DPY19L1: variants seen among roughly 807,000 people sequenced by gnomAD.
DPY19L1 encodes the protein dpy-19 like C-mannosyltransferase 1.
In DPY19L1, 35 loss-of-function variants were observed where a neutral mutation model predicts 96.9. The observed-to-expected ratio is 0.36, with a 90% CI of 0.28 to 0.48. The LOEUF is 0.48. DPY19L1 is among the 20% of genes least tolerant of loss of function. The probability of loss-of-function intolerance (pLI) is 0.99; values close to 1 mark genes in which losing one functional copy is unlikely to be tolerated. For missense variants in DPY19L1, 521 were observed against 777.9 expected, an observed-to-expected ratio of 0.67 and a Z score of 3.93; for synonymous variants, 205 against 252.6, an observed-to-expected ratio of 0.81 and a Z score of 1.79.
chr7:35,011,485 T>C (rs1179780090), intron 4 of DPY19L1, 35 bp from the exon 5 acceptor site: 4 of 1,552,596 alleles, frequency 2.6e-6, no homozygotes, highest in Non-Finnish European at 3.5e-6. Context: ...CTTAAGAAAA[T>C]ATACTAAACA....
intron 7 of DPY19L1, among the ~76,000 whole-genome samples, chr7:34,977,853 G>A (rs146359222): frequency 3.9e-5 from 6 of 151,954 alleles, no homozygotes; most frequent in Non-Finnish European, 7.4e-5. Context: ...TTGTTTCTAA[G>A]TATAAGAAAT....
At chr7:34,937,857 TA>T (rs964604633) in intron 21 of DPY19L1, 136 bp downstream of exon 21, 6,036 of 778,156 alleles carry the variant, frequency 7.8e-3, no homozygotes, top group South Asian at 9.6e-3. Flanking sequence ...AGAGCCTGTT[TA>T]AAAAAAAAAG....
rs1371088268 is a variant in DPY19L1, at chr7:35,021,005, G to A, written c.299-2409C>T. Among the ~76,000 whole-genome samples, 8 of 151,998 alleles carry A rather than the reference G, an allele frequency of 5.3e-5. No homozygotes were observed. The East Asian group carries it at 1.3e-3, about 26-fold the overall frequency. ...ATTACAGGCATGAGCCACCACACCC[G>A]GCCCTAATTCTTCATTTTAAACAGT... On this transcript the variant is annotated intron_variant, in intron 1 of 21. Transcript: ENST00000638088.
chr7:34,958,238 A>G (rs1637673), intron 10 of DPY19L1, among the ~76,000 whole-genome samples, 168 bp from the exon 11 acceptor site: 41,045 of 152,130 alleles, frequency 0.27, 5,717 homozygotes, highest in Non-Finnish European at 0.31. Flanking sequence ...AGAGATAACC[A>G]TCATCAACAG....
chr7:35,034,638 T>C (rs1786342174), intron 1 of DPY19L1, among the ~76,000 whole-genome samples: 1 of 152,190 alleles, frequency 6.6e-6, no homozygotes, highest in African/African-American at 2.4e-5. Context: ...AGGCAGTGAG[T>C]TCCTCATCAG....
intron 13 of DPY19L1, among the ~76,000 whole-genome samples, chr7:34,952,764 G>C (rs12538847): frequency 0.2 from 29,921 of 151,936 alleles, 3,322 homozygotes; most frequent in Admixed American, 0.36. Flanking sequence ...AAATACGGCA[G>C]AGTGAAGAAA....
At chr7:34,946,669 G>T (rs1237105588) in intron 15 of DPY19L1, among the ~76,000 whole-genome samples, 7 of 152,216 alleles carry the variant, frequency 4.6e-5, no homozygotes, top group Admixed American at 4.6e-4. Flanking sequence ...GATTAAAAGT[G>T]CTGTCGGAGT....
Position 35,011,381 on chromosome 7 carries a change from A to G in DPY19L1, c.619T>C (p.Cys207Arg), listed in dbSNP as rs1785708246. 3 of 1,613,494 alleles carry G rather than the reference A, an allele frequency of 1.9e-6. No individual in the cohort carries two copies. The highest frequency in any genetic ancestry group is 2.5e-6 in the Non-Finnish European group (3 of 1,179,860). Residue 207 changes from cysteine (C) to arginine (R), a missense_variant, in exon 5 of 22, where the codon TGT becomes CGT. Transcript: ENST00000638088. ...CCTTCTCCTCTGGTAACCGTCCAAC[A>G]TATCTTGGTTTGAATACCAATCAAG... is the stretch of plus-strand genomic sequence containing the variant. ...MDLIGIQTKI[C>R]WTVTRGEGLS...
chr7:34,939,437 A>C, intron 19 of DPY19L1, 62 bp from the exon 20 acceptor site: 1 of 1,417,064 alleles, frequency 7.1e-7, no homozygotes. Flanking sequence ...TGTCTCCTTC[A>C]AGTGTAAATC....
intron 21 of DPY19L1, among the ~76,000 whole-genome samples, chr7:34,935,462 T>A (rs577939530): frequency 5.4e-4 from 82 of 152,248 alleles, no homozygotes; most frequent in Non-Finnish European, 9.0e-4. Flanking sequence ...ACAACTTGCA[T>A]GCAAATATAT....
chr7:34,991,507 ATCT>A (rs905137310), intron 6 of DPY19L1, among the ~76,000 whole-genome samples: 4 of 152,244 alleles, frequency 2.6e-5, no homozygotes, highest in African/African-American at 7.2e-5. Context: ...GGTGTACCAC[ATCT>A]TCTTCAGAAG....
chr7:34,951,131 A>G (rs1378178098), intron 13 of DPY19L1, among the ~76,000 whole-genome samples: 1 of 152,128 alleles, frequency 6.6e-6, no homozygotes, highest in Non-Finnish European at 1.5e-5. Context: ...TATTGCCAAC[A>G]TATCTGCAGT....
intron 10 of DPY19L1, among the ~76,000 whole-genome samples, chr7:34,964,023 A>G (rs1784559915): frequency 6.6e-6 from 1 of 152,172 alleles, no homozygotes; most frequent in Admixed American, 6.5e-5. Flanking sequence ...GATGGTTGTA[A>G]AACAATGTGA....
intron 21 of DPY19L1, among the ~76,000 whole-genome samples, chr7:34,937,548 C>T (rs1175408119): frequency 1.3e-5 from 2 of 152,010 alleles, no homozygotes; most frequent in Non-Finnish European, 2.9e-5. Flanking sequence ...CCAATAAAAT[C>T]TCTTTAAGGT....
chr7:35,035,825 T>G (rs1786382124), intron 1 of DPY19L1, among the ~76,000 whole-genome samples: 1 of 152,046 alleles, frequency 6.6e-6, no homozygotes, highest in Admixed American at 6.6e-5. Context: ...AGGCTCTGCC[T>G]CATCCACTGT....
intron 10 of DPY19L1, among the ~76,000 whole-genome samples, chr7:34,958,642 C>T (rs757924054): frequency 6.6e-6 from 1 of 152,170 alleles, no homozygotes; most frequent in Non-Finnish European, 1.5e-5. Context: ...AGGATATACA[C>T]ATTTTTAAAT....
At chr7:34,984,612 A>G (rs1785009446) in intron 7 of DPY19L1, among the ~76,000 whole-genome samples, 1 of 152,190 alleles carries the variant, frequency 6.6e-6, no homozygotes, top group Non-Finnish European at 1.5e-5. Flanking sequence ...TGAACTTTTG[A>G]AGTTACTGTA....
At chr7:35,033,982 C>T (rs967093006) in intron 1 of DPY19L1, among the ~76,000 whole-genome samples, 110 of 152,080 alleles carry the variant, frequency 7.2e-4, no homozygotes, top group African/African-American at 2.6e-3. Context: ...AAAAAATTAT[C>T]CCACCCAAAA....
chr7:35,015,115 T>C (rs1785812533), intron 3 of DPY19L1, among the ~76,000 whole-genome samples: 1 of 152,222 alleles, frequency 6.6e-6, no homozygotes, highest in Non-Finnish European at 1.5e-5. Context: ...TGCACTTCTT[T>C]ATGACAGCCC....
Sources: allele counts gnomAD v4.1 joint callset (sites outside exome capture counted in the v4.1 genomes callset), GRCh38; gene constraint gnomAD v4.1.1; transcripts MANE v1.5; gene names NCBI Gene and HGNC (gene_info 2026-07-23, HGNC 2026-07-21).